Variants in USP34 observed in about 807,000 individuals in gnomAD.
The protein encoded by USP34 is ubiquitin specific peptidase 34.
Under a neutral mutation model 460.3 loss-of-function variants are expected in USP34, and 70 were observed. That is an observed-to-expected ratio of 0.15 (90% CI 0.13 to 0.19). The LOEUF (loss-of-function observed/expected upper bound fraction) is 0.19, where lower values mean the gene tolerates loss of function less well. Among genes scored for constraint, USP34 ranks in the 10% least tolerant of loss-of-function variants. The probability of loss-of-function intolerance (pLI) is 1.00; values close to 1 mark genes in which losing one functional copy is unlikely to be tolerated. For synonymous variants in USP34, 1,647 were observed against 1,405.3 expected, an observed-to-expected ratio of 1.17 and a Z score of -3.85; for missense variants, 3,985 against 4,236.2, an observed-to-expected ratio of 0.94 and a Z score of 1.65.
chr2:61,248,244 A>G (rs1334117750), intron 49 of USP34, among the ~76,000 whole-genome samples: 1 of 151,602 alleles, frequency 6.6e-6, no homozygotes. Flanking sequence ...TTACCCCACG[A>G]GATTTAAGCT....
At chr2:61,289,563 C>G (rs966691872) in intron 33 of USP34, among the ~76,000 whole-genome samples, 2 of 152,064 alleles carry the variant, frequency 1.3e-5, no homozygotes, top group Admixed American at 6.6e-5. Context: ...TCTTAACCTC[C>G]TGCTCTCCTG....
intron 3 of USP34, among the ~76,000 whole-genome samples, chr2:61,396,391 C>G (rs1371556537): frequency 1.3e-5 from 2 of 152,140 alleles, no homozygotes; most frequent in African/African-American, 4.8e-5. Flanking sequence ...CATACTAGTA[C>G]TGGAAAATAT....
rs192182020 is a variant in USP34 at position 61,188,257 on chromosome 2, G to A, written c.10486C>T (p.Pro3496Ser). The change falls in exon 80 of 80, where the codon CCT becomes TCT. Residue 3496 changes from proline to serine, a missense_variant. This residue lies in a region of USP34 where 506 missense variants were observed against 439.0 expected (regional missense o/e 1.15). Transcript: ENST00000398571. ...CDGQALPSQD[P>S]EVALSLSCGH... Reference sequence around the variant, plus strand: ...CAACTGAGAGATAAAGCAACCTCAGGGTCCTGGGAGGGCAAAGCTTGGCCA... The same window carrying A: ...CAACTGAGAGATAAAGCAACCTCAGAGTCCTGGGAGGGCAAAGCTTGGCCA... 84 of 1,613,904 alleles carry A rather than the reference G, an allele frequency of 5.2e-5. No homozygotes were observed. In the Admixed American group the frequency reaches 1.4e-3, roughly 27 times the overall value.
At chr2:61,321,622 G>A (rs745722968) in intron 21 of USP34, among the ~76,000 whole-genome samples, 1 of 152,242 alleles carries the variant, frequency 6.6e-6, no homozygotes, top group Non-Finnish European at 1.5e-5. Context: ...ATATCTTACA[G>A]CCTTTTACAA....
intron 51 of USP34, among the ~76,000 whole-genome samples, chr2:61,242,494 C>T (rs1688296224): frequency 6.7e-6 from 1 of 149,294 alleles, no homozygotes; most frequent in African/African-American, 2.5e-5. Flanking sequence ...CACACACACA[C>T]ACACACACGA....
intron 75 of USP34, among the ~76,000 whole-genome samples, chr2:61,201,838 GTTT>G (rs1218306168): frequency 6.6e-6 from 1 of 152,124 alleles, no homozygotes; most frequent in African/African-American, 2.4e-5. Flanking sequence ...TTTAAAAAGT[GTTT>G]TTATAATTAC....
intron 75 of USP34, among the ~76,000 whole-genome samples, chr2:61,201,365 G>A (rs1053260124): frequency 6.6e-6 from 1 of 151,776 alleles, no homozygotes; most frequent in Non-Finnish European, 1.5e-5. Flanking sequence ...CTACAGGCAC[G>A]TACCACCATG....
intron 7 of USP34, among the ~76,000 whole-genome samples, chr2:61,379,126 C>G (rs1378914368): frequency 6.6e-6 from 1 of 152,072 alleles, no homozygotes; most frequent in Non-Finnish European, 1.5e-5. Context: ...GGGACAATAT[C>G]AACAAGTATC....
At chr2:61,445,222 TAAAAAAAAAAAAA>T (rs57854651) in intron 1 of USP34, among the ~76,000 whole-genome samples, 1 of 40,656 alleles carries the variant, frequency 2.5e-5, no homozygotes, top group East Asian at 7.8e-4. Context: ...AGAACCACAC[TAAAAAAAAAAAAA>T]AAAAAAAAAA....
At chr2:61,210,008 T>G (rs1305274146) in intron 69 of USP34, among the ~76,000 whole-genome samples, 1 of 144,856 alleles carries the variant, frequency 6.9e-6, no homozygotes, top group Non-Finnish European at 1.5e-5. Context: ...CTATAAAATG[T>G]GTGTTTTAAG....
chr2:61,433,390 T>A (rs1486211492), intron 1 of USP34, among the ~76,000 whole-genome samples: 1 of 152,122 alleles, frequency 6.6e-6, no homozygotes, highest in East Asian at 1.9e-4. Context: ...TCCCAGCACT[T>A]TGAGGAGCTG....
At chr2:61,464,717 C>CAAAAA (rs35331685) in intron 1 of USP34, among the ~76,000 whole-genome samples, 238 of 77,676 alleles carry the variant, frequency 3.1e-3, no homozygotes, top group South Asian at 7.1e-3. Flanking sequence ...GACTCCGTCT[C>CAAAAA]AAAAAAAAAA....
In USP34 at chr2:61,461,145, T is replaced by A. The variant is rs193112663; in HGVS notation, c.43+9505A>T. Among the ~76,000 whole-genome samples the A allele has an allele frequency of 2.5e-3, 387 of 151,802 alleles. 2 individuals are homozygous for A. The highest frequency in any genetic ancestry group is 2.6e-3 in the Non-Finnish European group (176 of 67,908). ...GTGGCTCACAACTGTAATCTCAGCA[T>A]TTTGGGAGGCTGAGGCAGGTGGATG... is the stretch of plus-strand genomic sequence containing the variant. On this transcript the variant is annotated intron_variant, in intron 1 of 79. Coordinates refer to ENST00000398571, the MANE Select transcript of USP34 (RefSeq NM_014709.4).
chr2:61,419,187 A>G (rs1237368519), intron 2 of USP34, among the ~76,000 whole-genome samples: 1 of 151,318 alleles, frequency 6.6e-6, no homozygotes, highest in Non-Finnish European at 1.5e-5. Context: ...ATCCAAGGCC[A>G]CTTTTTTTTT....
intron 10 of USP34, among the ~76,000 whole-genome samples, chr2:61,370,024 T>C (rs1250552727): frequency 1.4e-5 from 2 of 138,270 alleles, no homozygotes; most frequent in Non-Finnish European, 3.2e-5. Flanking sequence ...ACAAGAAACA[T>C]ACCAATACAA....
At chr2:61,450,653 A>G (rs1426869853) in intron 1 of USP34, among the ~76,000 whole-genome samples, 2 of 152,144 alleles carry the variant, frequency 1.3e-5, no homozygotes, top group South Asian at 2.1e-4. Flanking sequence ...GTGCAAATAT[A>G]CCATTTTAAT....
At chr2:61,194,120 A>G in intron 75 of USP34, 1 of 985,456 alleles carries the variant, frequency 1.0e-6, no homozygotes, top group East Asian at 1.1e-4. Flanking sequence ...CAAGGACTTG[A>G]GAACATCCTA....
At chr2:61,453,278 G>T (rs1695338671) in intron 1 of USP34, among the ~76,000 whole-genome samples, 1 of 152,028 alleles carries the variant, frequency 6.6e-6, no homozygotes, top group African/African-American at 2.4e-5. Flanking sequence ...GCCAAGTGTG[G>T]TGGCCTGCGC....
intron 65 of USP34, chr2:61,221,812 T>A: frequency 2.4e-6 from 1 of 411,856 alleles, no homozygotes; most frequent in Non-Finnish European, 4.3e-6. Context: ...CCACGTATGA[T>A]AGATTTTTCT....
Sources: gnomAD v4.1 joint callset for allele counts (sites outside exome capture counted in the v4.1 genomes callset) on GRCh38, gnomAD v4.1.1 for gene constraint, gnomAD v4.1.1 regional missense constraint, MANE v1.5 for transcripts, NCBI Gene and HGNC (gene_info 2026-07-23, HGNC 2026-07-21) for gene names.